Variants in NKAIN2 observed in about 807,000 individuals in gnomAD.
NKAIN2 encodes the protein sodium/potassium transporting ATPase interacting 2, also known as sodium/potassium-transporting ATPase subunit beta-1-interacting protein 2.
Under a neutral mutation model 32.6 loss-of-function variants are expected in NKAIN2, and 14 were observed. The ratio of observed to expected loss-of-function variants is 0.43; its 90% CI spans 0.28 to 0.67. The LOEUF (loss-of-function observed/expected upper bound fraction) is 0.67, where lower values mean the gene tolerates loss of function less well. Ranked by LOEUF, NKAIN2 falls within the 30% of genes least tolerant of loss-of-function variation. The pLI is 0.17. For synonymous variants in NKAIN2, 80 were observed against 87.2 expected, an observed-to-expected ratio of 0.92 and a Z score of 0.46; for missense variants, 198 against 258.3, an observed-to-expected ratio of 0.77 and a Z score of 1.60.
At chr6:124,072,699 G>T (rs958838912) in intron 1 of NKAIN2, among the ~76,000 whole-genome samples, 1 of 152,054 alleles carries the variant, frequency 6.6e-6, no homozygotes, top group Non-Finnish European at 1.5e-5. Context: ...TAAAAATGCT[G>T]CAAGTTCCTT....
intron 4 of NKAIN2, among the ~76,000 whole-genome samples, chr6:124,744,095 T>A (rs909274609): frequency 6.6e-6 from 1 of 151,906 alleles, no homozygotes; most frequent in African/African-American, 2.4e-5. Flanking sequence ...TTCTGTTTTC[T>A]TTAGGGATGG....
Position 124,759,588 on chromosome 6 carries a change from AACACACAC to A in NKAIN2, c.475-31690_475-31683del, listed in dbSNP as rs542448143. Among the ~76,000 whole-genome samples the A allele has an allele frequency of 9.7e-3, 820 of 84,500 alleles. 17 individuals are homozygous for A. The highest frequency in any genetic ancestry group is 0.023 in the African/African-American group (433 of 18,920). The allele number at this position is 84,500 out of a possible 152,430, so 55.4% of individuals were successfully genotyped here. A position where few individuals can be genotyped will look rare whatever the true frequency, so the allele number is the denominator to read the frequency against. The stretch of plus-strand genomic sequence containing the variant: ...CCCTAGCCACCCTGTCTGAAATTGC[AACACACAC>A]ACACACACACACACACACACACACA... On this transcript the variant is annotated intron_variant, in intron 4 of 6. Coordinates refer to ENST00000368417, the MANE Select transcript of NKAIN2 (RefSeq NM_001040214.3).
intron 3 of NKAIN2, among the ~76,000 whole-genome samples, chr6:124,426,192 G>C (rs1189572486): frequency 6.6e-6 from 1 of 152,110 alleles, no homozygotes; most frequent in Admixed American, 6.5e-5. Context: ...TCTACGGAAA[G>C]GTGTAGTCTA....
intron 1 of NKAIN2, among the ~76,000 whole-genome samples, chr6:123,969,390 G>A (rs977758624): frequency 2.6e-5 from 4 of 152,216 alleles, no homozygotes; most frequent in Admixed American, 6.5e-5. Flanking sequence ...AGATGGCTGC[G>A]GTTTAACAAT....
intron 4 of NKAIN2, among the ~76,000 whole-genome samples, chr6:124,723,515 T>C (rs1158009595): frequency 6.6e-6 from 1 of 152,236 alleles, no homozygotes; most frequent in African/African-American, 2.4e-5. Flanking sequence ...GGCTTTTAGA[T>C]TGACTACTGT....
chr6:124,314,635 A>C (rs902014359), intron 2 of NKAIN2, among the ~76,000 whole-genome samples: 1 of 152,096 alleles, frequency 6.6e-6, no homozygotes, highest in African/African-American at 2.4e-5. Context: ...GGGCCTTTCT[A>C]TCCATACCTT....
chr6:124,628,013 A>G (rs540460275), intron 3 of NKAIN2, among the ~76,000 whole-genome samples: 168 of 152,304 alleles, frequency 1.1e-3, no homozygotes, highest in Non-Finnish European at 1.8e-3. Context: ...ACGTGTTCAC[A>G]CACACATTCG....
chr6:124,038,545 G>A (rs1582511810), intron 1 of NKAIN2, among the ~76,000 whole-genome samples: 2 of 152,140 alleles, frequency 1.3e-5, no homozygotes, highest in Admixed American at 1.3e-4. Context: ...CTTGATTGTT[G>A]ATTATTGTGG....
chr6:124,270,869 C>T (rs1794728576), intron 1 of NKAIN2, among the ~76,000 whole-genome samples: 1 of 152,160 alleles, frequency 6.6e-6, no homozygotes, highest in South Asian at 2.1e-4. Context: ...GTCATTTGAA[C>T]AGCTACACCT....
intron 1 of NKAIN2, among the ~76,000 whole-genome samples, chr6:124,198,209 G>A (rs1381382119): frequency 1.3e-5 from 2 of 151,896 alleles, no homozygotes; most frequent in African/African-American, 4.8e-5. Flanking sequence ...GAATCCGCTG[G>A]CCCCGCTTTT....
At chr6:124,303,869 G>A (rs1365654005) in intron 2 of NKAIN2, among the ~76,000 whole-genome samples, 1 of 152,180 alleles carries the variant, frequency 6.6e-6, no homozygotes, top group Non-Finnish European at 1.5e-5. Context: ...GTGGATTCAA[G>A]GGATATAGAG....
In NKAIN2 at chr6:123,826,770, C is replaced by G. The variant is rs1349914493; in HGVS notation, c.54+22516C>G. Among the ~76,000 whole-genome samples the G allele has an allele frequency of 2.6e-5, 4 of 152,066 alleles. No individual in the cohort carries two copies. The East Asian group carries it at 7.7e-4, about 29-fold the overall frequency. On this transcript the variant is annotated intron_variant, in intron 1 of 6. Transcript: ENST00000368417. Reference sequence around the variant, plus strand: ...CAGTGAACTCTTGGGTTGCTTCTATCCTTTGAAAATTGTAAATAATACTGC... The same window carrying G: ...CAGTGAACTCTTGGGTTGCTTCTATGCTTTGAAAATTGTAAATAATACTGC...
At chr6:124,380,148 T>A (rs917918806) in intron 3 of NKAIN2, among the ~76,000 whole-genome samples, 1 of 152,184 alleles carries the variant, frequency 6.6e-6, no homozygotes, top group Non-Finnish European at 1.5e-5. Flanking sequence ...GCAGCCACAC[T>A]GCGTCCCAGC....
intron 4 of NKAIN2, among the ~76,000 whole-genome samples, chr6:124,723,331 A>G (rs1776116960): frequency 6.6e-6 from 1 of 152,220 alleles, no homozygotes; most frequent in Non-Finnish European, 1.5e-5. Flanking sequence ...TCATCACTGA[A>G]TTGATGGGAA....
intron 1 of NKAIN2, among the ~76,000 whole-genome samples, chr6:123,982,615 G>T (rs1778949237): frequency 6.6e-6 from 1 of 152,194 alleles, no homozygotes; most frequent in Non-Finnish European, 1.5e-5. Context: ...GATTTTAAGG[G>T]CCTAAGTTAA....
chr6:124,177,123 AC>A (rs2114525659), intron 1 of NKAIN2, among the ~76,000 whole-genome samples: 1 of 152,204 alleles, frequency 6.6e-6, no homozygotes, highest in African/African-American at 2.4e-5. Context: ...AATTTGACAA[AC>A]CCTTGAAATC....
chr6:124,262,474 A>C (rs1398424467), intron 1 of NKAIN2, among the ~76,000 whole-genome samples: 1 of 152,220 alleles, frequency 6.6e-6, no homozygotes, highest in Non-Finnish European at 1.5e-5. Context: ...TGTCTTCTAA[A>C]GAAAAGTTGG....
intron 1 of NKAIN2, among the ~76,000 whole-genome samples, chr6:123,821,701 C>T (rs570957874): frequency 1.1e-4 from 17 of 152,090 alleles, no homozygotes; most frequent in African/African-American, 1.7e-4. Flanking sequence ...GCGGGGGGCC[C>T]GAGGGCTGGA....
At chr6:123,878,112 G>A (rs1773254820) in intron 1 of NKAIN2, among the ~76,000 whole-genome samples, 1 of 152,008 alleles carries the variant, frequency 6.6e-6, no homozygotes. Flanking sequence ...TGTAATCCCA[G>A]CTACTCAGTA....
Sources: allele counts gnomAD v4.1 joint callset (sites outside exome capture counted in the v4.1 genomes callset), GRCh38; gene constraint gnomAD v4.1.1; transcripts MANE v1.5; gene names NCBI Gene and HGNC (gene_info 2026-07-23, HGNC 2026-07-21).